GRB2: variants seen among roughly 807,000 people sequenced by gnomAD.
The protein encoded by GRB2 is growth factor receptor-bound protein 2.
A neutral mutation model predicts 27.4 loss-of-function variants in GRB2; 2 were observed. That is an observed-to-expected ratio of 0.07 (90% CI 0.03 to 0.23). The LOEUF (loss-of-function observed/expected upper bound fraction) is 0.23. Among genes scored for constraint, GRB2 ranks in the 10% least tolerant of loss-of-function variants. The probability of loss-of-function intolerance (pLI) is 1.00; values close to 1 mark genes in which losing one functional copy is unlikely to be tolerated. For synonymous variants in GRB2, 94 were observed against 99.6 expected, an observed-to-expected ratio of 0.94 and a Z score of 0.33; for missense variants, 102 against 282.4, an observed-to-expected ratio of 0.36 and a Z score of 4.58.
At chr17:75,338,806 G>A in intron 2 of GRB2, 1 of 744,004 alleles carries the variant, frequency 1.3e-6, no homozygotes, top group Non-Finnish European at 2.5e-6. Context: ...AGTCCTTTCT[G>A]TGCTGATAGC....
chr17:75,323,002 A>C (rs373558420), intron 4 of GRB2, among the ~76,000 whole-genome samples: 29 of 151,510 alleles, frequency 1.9e-4, no homozygotes, highest in African/African-American at 7.0e-4. Context: ...GCCTGTAGTC[A>C]CAGCTACTCG....
intron 2 of GRB2, among the ~76,000 whole-genome samples, chr17:75,361,194 A>C (rs2078779539): frequency 1.3e-5 from 2 of 152,226 alleles, no homozygotes; most frequent in Admixed American, 1.3e-4. Context: ...GAGCTCAAAG[A>C]GGTCAGATGT....
chr17:75,389,642 C>A (rs2078986103), intron 2 of GRB2, among the ~76,000 whole-genome samples: 1 of 152,072 alleles, frequency 6.6e-6, no homozygotes, highest in South Asian at 2.1e-4. Flanking sequence ...GTCAGGAGAT[C>A]GAGACCATCC....
At chr17:75,324,217 G>C (rs1346996812) in intron 4 of GRB2, among the ~76,000 whole-genome samples, 1 of 135,022 alleles carries the variant, frequency 7.4e-6, no homozygotes, top group Non-Finnish European at 1.7e-5. Flanking sequence ...GTTTGTTTTG[G>C]GAGACACAGT....
intron 2 of GRB2, 33 bp downstream of exon 2, chr17:75,393,518 G>C (rs998990358): frequency 1.3e-6 from 2 of 1,549,898 alleles, no homozygotes; most frequent in Admixed American, 1.7e-5. Context: ...CAGGGAGAGC[G>C]ATCTCAGCAT....
At chr17:75,376,232 C>A (rs1338000917) in intron 2 of GRB2, among the ~76,000 whole-genome samples, 1 of 149,148 alleles carries the variant, frequency 6.7e-6, no homozygotes, top group East Asian at 2.0e-4. Context: ...ATAGTCCCAG[C>A]TACTTGGGAG....
chr17:75,377,093 G>C (rs2078898783), intron 2 of GRB2, among the ~76,000 whole-genome samples: 2 of 148,930 alleles, frequency 1.3e-5, no homozygotes. Context: ...GAGATGGGAG[G>C]ATCACTCGAG....
chr17:75,351,475 C>T (rs1382326971), intron 2 of GRB2, among the ~76,000 whole-genome samples: 1 of 152,060 alleles, frequency 6.6e-6, no homozygotes, highest in Non-Finnish European at 1.5e-5. Context: ...ATAGCCAAGA[C>T]CTGTCTCTAC....
intron 2 of GRB2, among the ~76,000 whole-genome samples, chr17:75,358,572 G>A (rs2078749983): frequency 6.6e-6 from 1 of 151,724 alleles, no homozygotes; most frequent in Non-Finnish European, 1.5e-5. Flanking sequence ...ATCATTAAGA[G>A]TAACAGACAG....
intron 2 of GRB2, 99 bp from the exon 3 acceptor site, chr17:75,332,896 G>A (rs888779448): frequency 4.2e-6 from 3 of 721,152 alleles, no homozygotes; most frequent in African/African-American, 3.6e-5. Context: ...TCTGTGAACG[G>A]TTTCACTCGA....
chr17:75,361,957 A>G (rs1016706521), intron 2 of GRB2, among the ~76,000 whole-genome samples: 1 of 152,132 alleles, frequency 6.6e-6, no homozygotes. Flanking sequence ...CCTCATGTTT[A>G]ATGCAACCAC....
chr17:75,399,721 G>A (rs1217512671), intron 1 of GRB2, among the ~76,000 whole-genome samples: 1 of 150,658 alleles, frequency 6.6e-6, no homozygotes, highest in Non-Finnish European at 1.5e-5. Flanking sequence ...GCCCAGGCTG[G>A]TGTAGTGACG....
rs888200587 is a variant in GRB2 at position 75,320,248 on chromosome 17, G to A, written c.*120C>T. 3.5e-6 allele frequency: 3 copies of A among 869,232 alleles called. No individual in the cohort carries two copies. The highest frequency in any genetic ancestry group is 2.4e-5 in the East Asian group (1 of 40,982). The allele number at this position is 869,232 out of a possible 1,614,324, so 53.8% of individuals were successfully genotyped here. A position where few individuals can be genotyped will look rare whatever the true frequency, so the allele number is the denominator to read the frequency against. On this transcript the variant is annotated 3_prime_UTR_variant, in exon 6 of 6. Transcript: ENST00000316804. The surrounding 1 kb of genome is among the most constrained non-coding windows in gnomAD (Gnocchi z 4.3). ...CCAACCAAAGTGAGAGGGTCACAGG[G>A]TGACCCGGCCAGGTGTTCTGCACTC...
chr17:75,327,314 G>T (rs1366236151), intron 3 of GRB2, among the ~76,000 whole-genome samples: 6 of 151,508 alleles, frequency 4.0e-5, no homozygotes, highest in African/African-American at 7.3e-5. Flanking sequence ...TCCTGACCTT[G>T]TTGATCCGCC....
At chr17:75,387,746 C>G (rs889718934) in intron 2 of GRB2, 1 of 151,642 alleles carries the variant, frequency 6.6e-6, no homozygotes, top group Non-Finnish European at 1.5e-5. Context: ...TGCAGCAAGC[C>G]AAGATCGTGC....
intron 2 of GRB2, among the ~76,000 whole-genome samples, chr17:75,368,417 G>T (rs1044292709): frequency 1.6e-4 from 24 of 150,728 alleles, no homozygotes; most frequent in African/African-American, 5.6e-4. Context: ...GCAGAGATGG[G>T]GTTTCACCAG....
rs937440102 is a variant in GRB2, at chr17:75,366,511, A to AAC, written c.78+27039_78+27040insGT. Among the ~76,000 whole-genome samples the AAC allele has an allele frequency of 9.9e-5, 15 of 151,216 alleles. 1 individual carries two copies. The highest frequency in any genetic ancestry group is 2.2e-4 in the Non-Finnish European group (15 of 67,764). ...TTGAGATCAGCTTCCAAAAAAAAAA[A>AAC]AAAAACGGCCAGCTGCCGTGGCTCA... On this transcript the variant is annotated intron_variant, in intron 2 of 5. Coordinates refer to ENST00000316804, the MANE Select transcript of GRB2 (RefSeq NM_002086.5).
intron 3 of GRB2, among the ~76,000 whole-genome samples, chr17:75,332,262 T>C (rs1037677213): frequency 2.0e-5 from 3 of 152,298 alleles, no homozygotes; most frequent in Non-Finnish European, 2.9e-5. Flanking sequence ...GATGGAGGGA[T>C]AAACATTTAT....
intron 2 of GRB2, among the ~76,000 whole-genome samples, chr17:75,351,964 G>A (rs979246231): frequency 6.6e-6 from 1 of 152,208 alleles, no homozygotes; most frequent in Admixed American, 6.5e-5. Context: ...AAGACCCCAA[G>A]TACAGGCCTT....
Sources: gnomAD v4.1 joint callset for allele counts (sites outside exome capture counted in the v4.1 genomes callset) on GRCh38, gnomAD v4.1.1 for gene constraint, Gnocchi (gnomAD v3.1) non-coding constraint, MANE v1.5 for transcripts, NCBI Gene and HGNC (gene_info 2026-07-23, HGNC 2026-07-21) for gene names.